Variants in GALNT10 observed in about 807,000 individuals in gnomAD.
The protein encoded by GALNT10 is polypeptide N-acetylgalactosaminyltransferase 10, also known as GalNAc transferase 10.
GALNT10 carries 41 observed loss-of-function variants against 75.0 expected under a neutral mutation model. That is an observed-to-expected ratio of 0.55 (90% CI 0.43 to 0.71). The LOEUF (loss-of-function observed/expected upper bound fraction) is 0.71, where lower values mean the gene tolerates loss of function less well. GALNT10 is among the 30% of genes least tolerant of loss of function. GALNT10 has a pLI of 0.00. For missense variants in GALNT10, 727 were observed against 818.5 expected, an observed-to-expected ratio of 0.89 and a Z score of 1.36; for synonymous variants, 302 against 313.0, an observed-to-expected ratio of 0.96 and a Z score of 0.37.
At chr5:154,203,209 C>T (rs1775053802) in intron 1 of GALNT10, among the ~76,000 whole-genome samples, 1 of 152,068 alleles carries the variant, frequency 6.6e-6, no homozygotes, top group Non-Finnish European at 1.5e-5. Context: ...ATTCTCAGGC[C>T]TCTCCCCTCT....
intron 2 of GALNT10, among the ~76,000 whole-genome samples, chr5:154,296,480 C>A (rs1197987520): frequency 6.6e-6 from 1 of 152,134 alleles, no homozygotes; most frequent in East Asian, 1.9e-4. Context: ...GGCTAACCAG[C>A]AAGACAAGAG....
intron 1 of GALNT10, among the ~76,000 whole-genome samples, chr5:154,203,214 C>T (rs543623275): frequency 6.6e-6 from 1 of 152,226 alleles, no homozygotes; most frequent in East Asian, 1.9e-4. Context: ...CAGGCCTCTC[C>T]CCTCTCTGTC....
At chr5:154,353,073 G>A (rs977969246) in intron 4 of GALNT10, among the ~76,000 whole-genome samples, 1 of 152,154 alleles carries the variant, frequency 6.6e-6, no homozygotes, top group Non-Finnish European at 1.5e-5. Flanking sequence ...TGAGGCCTCG[G>A]AGGGCTGGTT....
intron 1 of GALNT10, among the ~76,000 whole-genome samples, chr5:154,262,573 TCTC>T (rs1303077596): frequency 6.6e-6 from 1 of 152,116 alleles, no homozygotes; most frequent in African/African-American, 2.4e-5. Context: ...GAAACGCTCT[TCTC>T]CACCTCAGTC....
At chr5:154,367,567 A>G (rs1326804989) in intron 4 of GALNT10, among the ~76,000 whole-genome samples, 2 of 152,086 alleles carry the variant, frequency 1.3e-5, no homozygotes, top group African/African-American at 2.4e-5. Context: ...AAAGAACTTC[A>G]GTTTTGGCCA....
chr5:154,320,140 T>C (rs1222455218), intron 3 of GALNT10, among the ~76,000 whole-genome samples: 3 of 152,210 alleles, frequency 2.0e-5, no homozygotes, highest in Non-Finnish European at 2.9e-5. Flanking sequence ...TTAAGTTTTG[T>C]GTTTATTTAG....
At chr5:154,266,988 A>G (rs2113030532) in intron 1 of GALNT10, among the ~76,000 whole-genome samples, 1 of 152,298 alleles carries the variant, frequency 6.6e-6, no homozygotes, top group Non-Finnish European at 1.5e-5. Flanking sequence ...AGTCCCCTGT[A>G]GATCTTAGCA....
intron 3 of GALNT10, among the ~76,000 whole-genome samples, chr5:154,300,944 G>A (rs904693395): frequency 2.6e-5 from 4 of 152,162 alleles, no homozygotes; most frequent in African/African-American, 9.7e-5. Context: ...GAGCATTGTG[G>A]GTAGAGAGAG....
chr5:154,321,701 C>T (rs1399943959), intron 3 of GALNT10, among the ~76,000 whole-genome samples: 3 of 152,094 alleles, frequency 2.0e-5, no homozygotes, highest in South Asian at 2.1e-4. Flanking sequence ...ATTCCAGCAT[C>T]GCCAGGGATC....
intron 1 of GALNT10, among the ~76,000 whole-genome samples, chr5:154,198,175 T>C (rs577712423): frequency 1.3e-4 from 20 of 152,330 alleles, no homozygotes; most frequent in African/African-American, 3.8e-4. Context: ...CGTATAGTGC[T>C]CTAGCTTTGG....
Position 154,337,420 on chromosome 5 carries a change from C to A in GALNT10, c.568+7682C>A, listed in dbSNP as rs1404900743. 3 of 630,214 alleles carry A rather than the reference C, an allele frequency of 4.8e-6. No homozygotes were observed. The African/African-American group carries it at 5.4e-5, about 11-fold the overall frequency. The allele number at this position is 630,214 out of a possible 1,614,324, so 39.0% of individuals were successfully genotyped here. ...GATATAACCTGTAGCTTCCCCGTCA[C>A]TTCTCTGGCTATCCTCTCCTGCTAA... On this transcript the variant is annotated intron_variant, in intron 4 of 11. Coordinates refer to ENST00000297107, the MANE Select transcript of GALNT10 (RefSeq NM_198321.4).
chr5:154,197,863 G>A (rs1379635780), intron 1 of GALNT10, among the ~76,000 whole-genome samples: 1 of 152,170 alleles, frequency 6.6e-6, no homozygotes, highest in Non-Finnish European at 1.5e-5. Context: ...CTTGCCCAAG[G>A]ATGCACAGCC....
chr5:154,363,982 G>A (rs1030327209), intron 4 of GALNT10, among the ~76,000 whole-genome samples: 2 of 152,172 alleles, frequency 1.3e-5, no homozygotes, highest in Non-Finnish European at 2.9e-5. Flanking sequence ...CAGGTGCTGT[G>A]AGGAAAATCA....
chr5:154,242,477 C>T (rs1753352833), intron 1 of GALNT10, among the ~76,000 whole-genome samples: 1 of 152,170 alleles, frequency 6.6e-6, no homozygotes, highest in Non-Finnish European at 1.5e-5. Flanking sequence ...CTGTATTATG[C>T]TCTTTGAATA....
intron 1 of GALNT10, among the ~76,000 whole-genome samples, chr5:154,282,071 A>G (rs1210837202): frequency 6.6e-6 from 1 of 152,208 alleles, no homozygotes; most frequent in African/African-American, 2.4e-5. Flanking sequence ...TGAGGCTGGG[A>G]AGTCCGAGAT....
chr5:154,355,777 TC>T (rs1354416864), intron 4 of GALNT10, among the ~76,000 whole-genome samples: 1 of 152,170 alleles, frequency 6.6e-6, no homozygotes, highest in Non-Finnish European at 1.5e-5. Flanking sequence ...CCAGGCACCA[TC>T]CATCATTTGC....
intron 1 of GALNT10, among the ~76,000 whole-genome samples, chr5:154,251,241 C>T (rs184143881): frequency 1.4e-3 from 206 of 152,162 alleles, no homozygotes; most frequent in Non-Finnish European, 2.2e-3. Flanking sequence ...TACTTTTATA[C>T]CAGTCACTCT....
intron 7 of GALNT10, chr5:154,389,242 TTA>T (rs1755857427): frequency 6.6e-6 from 1 of 151,626 alleles, no homozygotes; most frequent in Admixed American, 6.6e-5. Context: ...TTTTCTAAAA[TTA>T]TATTTATATA....
At chr5:154,358,636 G>C (rs983727009) in intron 4 of GALNT10, among the ~76,000 whole-genome samples, 3 of 152,076 alleles carry the variant, frequency 2.0e-5, no homozygotes, top group African/African-American at 7.2e-5. Context: ...CCTCCTGTGT[G>C]CCCTCTTCCA....
Sources: allele counts gnomAD v4.1 joint callset (sites outside exome capture counted in the v4.1 genomes callset), GRCh38; gene constraint gnomAD v4.1.1; transcripts MANE v1.5; gene names NCBI Gene and HGNC (gene_info 2026-07-23, HGNC 2026-07-21).